PHF21A: variants seen among roughly 807,000 people sequenced by gnomAD.
The protein encoded by PHF21A is BHC80a.
A neutral mutation model predicts 82.5 loss-of-function variants in PHF21A; 11 were observed. The ratio of observed to expected loss-of-function variants is 0.13; its 90% confidence interval spans 0.08 to 0.22. The LOEUF is 0.22. Among genes scored for constraint, PHF21A ranks in the 10% least tolerant of loss-of-function variants. The pLI is 1.00. For synonymous variants in PHF21A, 297 were observed against 302.8 expected (o/e 0.98, Z 0.20); for missense variants, 579 against 837.8 (o/e 0.69, Z 3.81).
chr11:46,032,067 CTG>C (rs2095876710), intron 6 of PHF21A, among the ~76,000 whole-genome samples: 1 of 152,118 alleles, frequency 6.6e-6, no homozygotes, highest in Non-Finnish European at 1.5e-5. Context: ...AAAAAGAAAA[CTG>C]TTTGAATCCC....
At chr11:46,073,700 T>C (rs932965679) in intron 6 of PHF21A, among the ~76,000 whole-genome samples, 6 of 152,320 alleles carry the variant, frequency 3.9e-5, no homozygotes, top group African/African-American at 1.4e-4. Context: ...CTCTCACTTA[T>C]TATTTCAGAG....
At chr11:45,969,131 C>T (rs961476804) in intron 9 of PHF21A, among the ~76,000 whole-genome samples, 1 of 152,098 alleles carries the variant, frequency 6.6e-6, no homozygotes, top group Non-Finnish European at 1.5e-5. Context: ...TCTTCTTCTC[C>T]CTTTGTCTGA....
At chr11:45,972,807 G>A (rs1211205439) in intron 7 of PHF21A, among the ~76,000 whole-genome samples, 7 of 152,182 alleles carry the variant, frequency 4.6e-5, no homozygotes, top group Non-Finnish European at 7.3e-5. Flanking sequence ...CCAGCTACTC[G>A]GGAGGCTGAG....
intron 6 of PHF21A, among the ~76,000 whole-genome samples, chr11:45,982,075 A>G (rs1430443835): frequency 1.3e-5 from 2 of 149,182 alleles, no homozygotes; most frequent in East Asian, 3.9e-4. Context: ...TGTCACCTCA[A>G]CCTACCAAGT....
rs547787967 is a variant in PHF21A, at chr11:46,001,288, G to T, written c.154-21322C>A. Among the ~76,000 whole-genome samples, 5 of 151,224 alleles carry T rather than the reference G, an allele frequency of 3.3e-5. No individual in the cohort carries two copies. In the South Asian group the frequency reaches 1.1e-3, roughly 32 times the overall value. ...AAGTCAAAGGTTCTGTGACCACCAG[G>T]GGGGCTGGAAATGGGGCTCTAAGAT... On this transcript the variant is annotated intron_variant, in intron 6 of 18. Transcript: ENST00000676320.
intron 6 of PHF21A, among the ~76,000 whole-genome samples, chr11:46,000,362 C>G (rs1449849641): frequency 6.6e-6 from 1 of 152,186 alleles, no homozygotes; most frequent in Middle Eastern, 3.2e-3. Context: ...TGCAGGATCT[C>G]TCTCATCAAG....
intron 6 of PHF21A, among the ~76,000 whole-genome samples, chr11:45,990,729 A>C (rs2094669248): frequency 6.6e-6 from 1 of 150,550 alleles, no homozygotes; most frequent in Non-Finnish European, 1.5e-5. Flanking sequence ...TTTTTTAAAG[A>C]AGACTTTATT....
intron 6 of PHF21A, among the ~76,000 whole-genome samples, chr11:45,999,321 T>A (rs1240497419): frequency 6.6e-6 from 1 of 152,192 alleles, no homozygotes; most frequent in African/African-American, 2.4e-5. Context: ...TAAAACTTGG[T>A]CTATCAATAA....
At chr11:45,964,328 T>C (rs1056227961) in intron 10 of PHF21A, among the ~76,000 whole-genome samples, 6 of 152,136 alleles carry the variant, frequency 3.9e-5, no homozygotes, top group African/African-American at 1.4e-4. Flanking sequence ...AGCACAGATT[T>C]TGATAACTAG....
chr11:45,937,210 T>G (rs1187460370), intron 16 of PHF21A, among the ~76,000 whole-genome samples: 1 of 152,182 alleles, frequency 6.6e-6, no homozygotes, highest in Non-Finnish European at 1.5e-5. Context: ...TCCCAGTACT[T>G]GCTGAGCTAT....
chr11:46,113,218 A>C (rs1250654994), intron 1 of PHF21A, among the ~76,000 whole-genome samples: 2 of 152,234 alleles, frequency 1.3e-5, no homozygotes, highest in Admixed American at 1.3e-4. Context: ...TAAGTAAACC[A>C]CGTTATCACA....
chr11:46,088,705 T>C (rs1490715570), intron 3 of PHF21A, among the ~76,000 whole-genome samples: 1 of 152,226 alleles, frequency 6.6e-6, no homozygotes, highest in Non-Finnish European at 1.5e-5. Flanking sequence ...CTTTGCAAAC[T>C]GTAAAGTTTT....
At chr11:46,054,093 A>T (rs1199498483) in intron 6 of PHF21A, among the ~76,000 whole-genome samples, 2 of 152,188 alleles carry the variant, frequency 1.3e-5, no homozygotes, top group African/African-American at 4.8e-5. Context: ...AAAATATGTG[A>T]TGCTTTTCTT....
intron 15 of PHF21A, among the ~76,000 whole-genome samples, chr11:45,943,078 A>G (rs1205822868): frequency 6.9e-6 from 1 of 145,610 alleles, no homozygotes; most frequent in African/African-American, 2.6e-5. Context: ...ACTTTTCTCC[A>G]TCTCTGCTTC....
chr11:45,997,806 C>T (rs925034679), intron 6 of PHF21A, among the ~76,000 whole-genome samples: 1 of 152,198 alleles, frequency 6.6e-6, no homozygotes, highest in Non-Finnish European at 1.5e-5. Flanking sequence ...CTGCCTCATG[C>T]TGCAAACTCA....
Position 46,111,610 on chromosome 11 carries a change from G to A in PHF21A, c.-237+9325C>T, listed in dbSNP as rs376542909. ...AATAAGATACTGGCTAAGCAAGTAA[G>A]AAAGGCACTGCCCTGCTTCTGCATA... On this transcript the variant is annotated intron_variant, in intron 1 of 18. Coordinates refer to ENST00000676320, the MANE Select transcript of PHF21A (RefSeq NM_001352027.3). Among the ~76,000 whole-genome samples the A allele has an allele frequency of 5.3e-5, 8 of 152,334 alleles. No homozygotes were observed. The South Asian group carries it at 1.2e-3, about 24-fold the overall frequency.
At chr11:45,993,261 T>C (rs2094780389) in intron 6 of PHF21A, among the ~76,000 whole-genome samples, 2 of 152,212 alleles carry the variant, frequency 1.3e-5, no homozygotes, top group African/African-American at 4.8e-5. Context: ...CACAAATATT[T>C]CCCTAATGAT....
At chr11:45,992,078 T>G (rs770758953) in intron 6 of PHF21A, among the ~76,000 whole-genome samples, 10 of 152,160 alleles carry the variant, frequency 6.6e-5, no homozygotes, top group Non-Finnish European at 1.2e-4. Flanking sequence ...GGAGAGGCAG[T>G]GCCCTAATAA....
intron 6 of PHF21A, among the ~76,000 whole-genome samples, chr11:46,073,200 C>T (rs568314059): frequency 1.6e-4 from 25 of 151,852 alleles, no homozygotes; most frequent in South Asian, 1.0e-3. Flanking sequence ...TGGTGGCGGG[C>T]GCCTGTAGTC....
Sources: allele counts gnomAD v4.1 joint callset (sites outside exome capture counted in the v4.1 genomes callset), GRCh38; gene constraint gnomAD v4.1.1; transcripts MANE v1.5; gene names NCBI Gene and HGNC (gene_info 2026-07-23, HGNC 2026-07-21).